DNAH10: variants seen among roughly 807,000 people sequenced by gnomAD.
The protein encoded by DNAH10 is axonemal beta dynein heavy chain 10.
In DNAH10, 348 loss-of-function variants were observed where a neutral mutation model predicts 506.6. That is an observed-to-expected ratio of 0.69 (90% CI 0.63 to 0.75). DNAH10 has a LOEUF of 0.75. Among genes scored for constraint, DNAH10 ranks in the 30% least tolerant of loss-of-function variants. DNAH10 has a pLI of 0.00. For synonymous variants in DNAH10, 2,059 were observed against 2,198.6 expected, an observed-to-expected ratio of 0.94 and a Z score of 1.78; for missense variants, 5,179 against 5,787.1, an observed-to-expected ratio of 0.89 and a Z score of 3.41.
intron 35 of DNAH10, 132 bp downstream of exon 35, chr12:123,851,208 G>A (rs1203073765): frequency 1.0e-6 from 1 of 957,238 alleles, no homozygotes; most frequent in Non-Finnish European, 1.5e-6. Flanking sequence ...AGCTCCATGT[G>A]GCTCTTCCAG....
In DNAH10 at chr12:123,934,654, C is replaced by G. The variant is rs1315558916; in HGVS notation, c.13511C>G (p.Ala4504Gly). 6.2e-7 allele frequency: 1 copy of G among 1,613,708 alleles called. No individual in the cohort carries two copies. Among genetic ancestry groups the G allele is most frequent in the Non-Finnish European group, 8.5e-7 (1 of 1,179,772 alleles). The part of the protein sequence containing the change: ...CFVSGLYLEG[A>G]DWDIEKGCLI... ...GTCTCAGGACTGTACCTGGAAGGTG[C>G]TGACTGGGATATAGAAAAAGGATGT... The change falls in exon 78 of 79, where the codon GCT becomes GGT. Residue 4504 changes from alanine (A) to glycine (G), a missense_variant. Physicochemically the swap from Ala to Gly is moderately conservative, Grantham distance 60. This residue lies in a region of DNAH10 where 4,844 missense variants were observed against 5,430.5 expected (regional missense o/e 0.89). Transcript: ENST00000673944.
At chr12:123,834,059 C>T (rs1338954507) in intron 27 of DNAH10, among the ~76,000 whole-genome samples, 1 of 152,168 alleles carries the variant, frequency 6.6e-6, no homozygotes, top group African/African-American at 2.4e-5. Context: ...TGGGATGAAG[C>T]CAGGCCTGGT....
rs1002214841 is a variant in DNAH10, at chr12:123,783,002, A to T, written c.842-105A>T. On this transcript the variant is annotated intron_variant, in intron 6 of 78. Coordinates refer to ENST00000673944, the MANE Select transcript of DNAH10 (RefSeq NM_001372106.1). ...GACAGGGGATGCGTCAGACCTTATTATACTGATGAAGCTTGAGAGACGACC... is the reference window on the plus strand; with the variant it reads ...GACAGGGGATGCGTCAGACCTTATTTTACTGATGAAGCTTGAGAGACGACC... 5 of 988,862 alleles carry T rather than the reference A, an allele frequency of 5.1e-6. No homozygotes were observed. In the African/African-American group the frequency reaches 8.0e-5, roughly 16 times the overall value. 61.3% of individuals were successfully genotyped at this position (988,862 alleles called of 1,614,324 possible). A position where few individuals can be genotyped will look rare whatever the true frequency, so the allele number is the denominator to read the frequency against.
intron 19 of DNAH10, among the ~76,000 whole-genome samples, chr12:123,812,597 A>T (rs969259680): frequency 8.5e-5 from 13 of 152,228 alleles, no homozygotes; most frequent in Admixed American, 7.2e-4. Context: ...ATGGAAATAA[A>T]AGTTTTTTTA....
At chr12:123,795,979 C>T (rs1438174083) in intron 12 of DNAH10, among the ~76,000 whole-genome samples, 2 of 151,788 alleles carry the variant, frequency 1.3e-5, no homozygotes, top group African/African-American at 4.8e-5. Context: ...GCCCTATAGC[C>T]CATGAATATG....
intron 25 of DNAH10, among the ~76,000 whole-genome samples, 157 bp downstream of exon 25, chr12:123,827,055 G>A (rs1008033942): frequency 3.3e-5 from 5 of 152,174 alleles, no homozygotes; most frequent in African/African-American, 7.2e-5. Flanking sequence ...CTATAATGTT[G>A]TTTCTATGTA....
rs1388419117 is a variant in DNAH10, at chr12:123,879,360, C to G, written c.8466+3C>G. The G allele has an allele frequency of 4.5e-6, 7 of 1,560,390 alleles. No homozygotes were observed. Among genetic ancestry groups the G allele is most frequent in the Non-Finnish European group, 6.1e-6 (7 of 1,151,806 alleles). On this transcript the variant is annotated splice_donor_region_variant and intron_variant, in intron 49 of 78. Transcript: ENST00000673944. Reference sequence around the variant, plus strand: ...TCAGTGAAACAGACAAGCAGCTGGTCAGTACATCCAATGCTTCTTCTCAGG... The same window carrying G: ...TCAGTGAAACAGACAAGCAGCTGGTGAGTACATCCAATGCTTCTTCTCAGG...
chr12:123,872,201 T>C (rs1350266846), intron 45 of DNAH10, among the ~76,000 whole-genome samples: 1 of 152,170 alleles, frequency 6.6e-6, no homozygotes, highest in Non-Finnish European at 1.5e-5. Context: ...GCCAGCTATG[T>C]GTCCAATGTG....
intron 78 of DNAH10, chr12:123,935,060 C>T (rs1955427547): frequency 1.7e-6 from 1 of 599,708 alleles, no homozygotes; most frequent in Non-Finnish European, 2.9e-6. Context: ...ATGCTGCAGA[C>T]ATTGCCTGAG....
chr12:123,800,118 G>C (rs1958428349), intron 14 of DNAH10, 98 bp from the exon 15 acceptor site: 1 of 1,258,506 alleles, frequency 7.9e-7, no homozygotes, highest in Non-Finnish European at 1.1e-6. Flanking sequence ...GAAGGGCCCA[G>C]TGTTGATCTT....
chr12:123,764,268 C>T (rs549817221), intron 1 of DNAH10, among the ~76,000 whole-genome samples: 2 of 152,152 alleles, frequency 1.3e-5, no homozygotes, highest in Non-Finnish European at 1.5e-5. Flanking sequence ...ATCCCTAGTG[C>T]CATCTGGAGA....
chr12:123,856,087 A>T (rs1229149581), intron 36 of DNAH10, among the ~76,000 whole-genome samples: 1 of 147,608 alleles, frequency 6.8e-6, no homozygotes, highest in South Asian at 2.1e-4. Context: ...TATCTTATAC[A>T]TATTTTATAC....
In DNAH10 at chr12:123,762,672, C is replaced by G; in HGVS notation, c.214+122C>G. 9.8e-7 allele frequency: 1 copy of G among 1,024,788 alleles called. No homozygotes were observed. The highest frequency in any genetic ancestry group is 1.3e-6 in the Non-Finnish European group (1 of 743,614). 63.5% of individuals were successfully genotyped at this position (1,024,788 alleles called of 1,614,324 possible). ...CGGCCCCGGCCTCAGGTGCTGTCCA[C>G]AAACGCTGCCGCCCGCCACGTGCAG... is the stretch of plus-strand genomic sequence containing the variant. On this transcript the variant is annotated intron_variant, in intron 1 of 78. Transcript: ENST00000673944. This position sits in a 1 kb window ranked among gnomAD's most constrained non-coding sequence, Gnocchi z 5.0.
intron 56 of DNAH10, among the ~76,000 whole-genome samples, chr12:123,900,730 A>G (rs1485548613): frequency 6.6e-6 from 1 of 152,210 alleles, no homozygotes; most frequent in Non-Finnish European, 1.5e-5. Context: ...AGCTGGATCT[A>G]GGATTCAAAT....
In DNAH10 at chr12:123,918,813, C is replaced by A; in HGVS notation, c.11370C>A (p.Tyr3790Ter). ...LSEMALVNSM[Y>*]QYSLIAFLEV... ...AGATGGCCCTGGTGAACTCCATGTA[C>A]CAGTACTCCCTGATTGCCTTCTTAG... The change falls in exon 65 of 79, where the codon TAC becomes TAA. Residue 3790 changes from tyrosine to a stop codon, truncating the protein, a stop_gained. Transcript: ENST00000673944. LOFTEE classifies it high-confidence loss of function. 7 of 1,613,932 alleles carry A rather than the reference C, an allele frequency of 4.3e-6. No individual in the cohort carries two copies. The highest frequency in any genetic ancestry group is 5.9e-6 in the Non-Finnish European group (7 of 1,179,880).
chr12:123,782,329 GCCTCCCCTCC>G (rs781152624), intron 6 of DNAH10, among the ~76,000 whole-genome samples: 2 of 63,626 alleles, frequency 3.1e-5, no homozygotes, highest in African/African-American at 1.1e-4. Flanking sequence ...GCCCTGCCCT[GCCTCCCCTCC>G]CCTCCCCTCC....
intron 47 of DNAH10, among the ~76,000 whole-genome samples, chr12:123,876,000 G>T (rs1232421468): frequency 1.3e-5 from 2 of 152,224 alleles, no homozygotes; most frequent in Admixed American, 6.5e-5. Flanking sequence ...CTACTCATTG[G>T]TTACTAGTTA....
chr12:123,871,734 G>T (rs1373705591), intron 45 of DNAH10, 132 bp downstream of exon 45: 3 of 1,109,872 alleles, frequency 2.7e-6, no homozygotes, highest in Non-Finnish European at 3.8e-6. Flanking sequence ...TTACCTGGGA[G>T]CTTCTAGCTC....
chr12:123,841,551 G>T lies in DNAH10; in HGVS notation c.5360+6G>T, dbSNP rs1305854867. On this transcript the variant is annotated splice_donor_region_variant and intron_variant, in intron 30 of 78. Transcript: ENST00000673944. Reference sequence around the variant, plus strand: ...TACTGTGAAGACAGAAGCAGGTAAGGCTGCGAATGTGGACATGCATTGCTC... The same window carrying T: ...TACTGTGAAGACAGAAGCAGGTAAGTCTGCGAATGTGGACATGCATTGCTC... The T allele has an allele frequency of 1.2e-6, 2 of 1,612,528 alleles. No individual in the cohort carries two copies. The highest frequency in any genetic ancestry group is 2.7e-5 in the African/African-American group (2 of 75,006).
Sources: gnomAD v4.1 joint callset for allele counts (sites outside exome capture counted in the v4.1 genomes callset) on GRCh38, gnomAD v4.1.1 for gene constraint, gnomAD v4.1.1 regional missense constraint, Gnocchi (gnomAD v3.1) non-coding constraint, MANE v1.5 for transcripts, NCBI Gene and HGNC (gene_info 2026-07-23, HGNC 2026-07-21) for gene names.